Variants in KIF26B observed in about 807,000 individuals in gnomAD.
The protein encoded by KIF26B is kinesin-like protein KIF26B.
A neutral mutation model predicts 151.2 loss-of-function variants in KIF26B; 63 were observed. The observed-to-expected ratio is 0.42, with a 90% CI of 0.34 to 0.51. KIF26B has a LOEUF of 0.51. Among genes scored for constraint, KIF26B ranks in the 20% least tolerant of loss-of-function variants. The pLI, the probability that KIF26B is intolerant of heterozygous loss-of-function variation, is 0.07. For missense variants in KIF26B, 2,813 were observed against 2,913.6 expected (o/e 0.97, Z 0.79); for synonymous variants, 1,357 against 1,262.1 (o/e 1.08, Z -1.59).
At chr1:245,556,106 G>A (rs776854248) in intron 5 of KIF26B, among the ~76,000 whole-genome samples, 3 of 152,188 alleles carry the variant, frequency 2.0e-5, no homozygotes, top group African/African-American at 7.2e-5. Context: ...ACAGTCTTAC[G>A]TCTGCCTGGC....
At chr1:245,552,308 G>A (rs963305829) in intron 5 of KIF26B, among the ~76,000 whole-genome samples, 2 of 152,092 alleles carry the variant, frequency 1.3e-5, no homozygotes, top group African/African-American at 4.8e-5. Flanking sequence ...ATTCCTTCTT[G>A]CTCAGGGAAA....
At chr1:245,323,443 C>T (rs371239037) in intron 2 of KIF26B, among the ~76,000 whole-genome samples, 10 of 152,084 alleles carry the variant, frequency 6.6e-5, no homozygotes, top group East Asian at 1.9e-4. Context: ...GGCTTTGTAA[C>T]GAAATTATGA....
intron 2 of KIF26B, among the ~76,000 whole-genome samples, chr1:245,224,362 G>A (rs1669834937): frequency 6.6e-6 from 1 of 152,098 alleles, no homozygotes; most frequent in Non-Finnish European, 1.5e-5. Flanking sequence ...GTAGTAGCAC[G>A]ATTGTCTTCA....
At chr1:245,699,503 AAAAAAAGACAGC>A (rs2044739898) in intron 14 of KIF26B, among the ~76,000 whole-genome samples, 1 of 152,160 alleles carries the variant, frequency 6.6e-6, no homozygotes, top group Non-Finnish European at 1.5e-5. Context: ...GGAAAAAAAA[AAAAAAAGACAGC>A]CACAGTGTTA....
chr1:245,629,339 T>G (rs1217822056), intron 9 of KIF26B, among the ~76,000 whole-genome samples: 5 of 152,096 alleles, frequency 3.3e-5, no homozygotes, highest in Admixed American at 3.3e-4. Context: ...CTACCTGACT[T>G]CAAACTATAC....
At chr1:245,442,275 C>T (rs1304987987) in intron 4 of KIF26B, among the ~76,000 whole-genome samples, 1 of 152,140 alleles carries the variant, frequency 6.6e-6, no homozygotes, top group Non-Finnish European at 1.5e-5. Context: ...TGCTTCCTGT[C>T]CGTGCTCTGG....
chr1:245,685,160 A>AC (rs1356131229), intron 11 of KIF26B, among the ~76,000 whole-genome samples: 1 of 152,062 alleles, frequency 6.6e-6, no homozygotes, highest in Non-Finnish European at 1.5e-5. Flanking sequence ...CTGGATGGTC[A>AC]CCCCCTTTCC....
chr1:245,155,383 C>T lies in KIF26B; in HGVS notation c.-42C>T. On this transcript the variant is annotated 5_prime_UTR_variant, in exon 1 of 15. Transcript: ENST00000407071. ...GGGTTGGAGGACCTTCTGGATGTAG[C>T]GTCGGTGGAACCTTTAGATACTCTC... The T allele has an allele frequency of 2.0e-6, 3 of 1,525,010 alleles. No homozygotes were observed. Among genetic ancestry groups the T allele is most frequent in the Non-Finnish European group, 2.7e-6 (3 of 1,110,298 alleles). 94.5% of individuals were successfully genotyped at this position (1,525,010 alleles called of 1,614,324 possible).
In KIF26B at chr1:245,706,739, G is replaced by T. The variant is rs781679786; in HGVS notation, c.*4133G>T. 2 of 152,194 alleles carry T rather than the reference G, an allele frequency of 1.3e-5. No individual in the cohort carries two copies. The highest frequency in any genetic ancestry group is 4.8e-5 in the African/African-American group (2 of 41,436). 9.4% of individuals were successfully genotyped at this position (152,194 alleles called of 1,614,324 possible). On this transcript the variant is annotated 3_prime_UTR_variant, in exon 15 of 15. Transcript: ENST00000407071. ...CTGGGGCCTCCATGCTGCCGCCGGG[G>T]TATGTGGCCCAGCTGTCCCCCCATG...
chr1:245,244,952 G>A lies in KIF26B; in HGVS notation c.465+88269G>A, dbSNP rs558099082. On this transcript the variant is annotated intron_variant, in intron 2 of 14. Coordinates refer to ENST00000407071, the MANE Select transcript of KIF26B (RefSeq NM_018012.4). The surrounding 1 kb of genome is among the most constrained non-coding windows in gnomAD (Gnocchi z 4.2). ...GATCACAAGTCAGAAGGGTGAAATCGGCTGAAAAGAGGATGAAATGTTTTA... is the reference window on the plus strand; with the variant it reads ...GATCACAAGTCAGAAGGGTGAAATCAGCTGAAAAGAGGATGAAATGTTTTA... Among the ~76,000 whole-genome samples, 18 of 152,178 alleles carry A rather than the reference G, an allele frequency of 1.2e-4. No homozygotes were observed. The highest frequency in any genetic ancestry group is 1.9e-4 in the East Asian group (1 of 5,174).
chr1:245,418,827 C>T (rs943305103), intron 3 of KIF26B, among the ~76,000 whole-genome samples: 1 of 152,100 alleles, frequency 6.6e-6, no homozygotes, highest in African/African-American at 2.4e-5. Context: ...ACACAACATC[C>T]TTGTTTTGCC....
At position 245,374,717 on chromosome 1, in the gene KIF26B, G is replaced by A. The variant is rs539663403; in HGVS notation, c.999+7350G>A. Among the ~76,000 whole-genome samples the A allele has an allele frequency of 1.4e-3, 206 of 152,300 alleles. 1 individual carries two copies. The highest frequency in any genetic ancestry group is 2.5e-3 in the Non-Finnish European group (173 of 68,022). On this transcript the variant is annotated intron_variant, in intron 3 of 14. Transcript: ENST00000407071. ...TCTCCTGTTTATAGGCGGTCAAAGG[G>A]ATATTAGGTTATGTATCTTTATGCT...
chr1:245,503,919 G>A (rs1027871994), intron 4 of KIF26B, among the ~76,000 whole-genome samples: 1 of 152,184 alleles, frequency 6.6e-6, no homozygotes, highest in Admixed American at 6.5e-5. Flanking sequence ...TCAGAGATAT[G>A]ATCCAAAGGC....
At chr1:245,182,176 T>C (rs1240385791) in intron 2 of KIF26B, among the ~76,000 whole-genome samples, 1 of 152,130 alleles carries the variant, frequency 6.6e-6, no homozygotes, top group Non-Finnish European at 1.5e-5. Context: ...ACTATCTAAT[T>C]TTAGAACATT....
At chr1:245,543,644 G>C (rs1239180969) in intron 5 of KIF26B, among the ~76,000 whole-genome samples, 1 of 152,140 alleles carries the variant, frequency 6.6e-6, no homozygotes, top group Non-Finnish European at 1.5e-5. Flanking sequence ...GAGAGAATGT[G>C]TACCATGATT....
rs1033066203 is a variant in KIF26B at position 245,702,048 on chromosome 1, G to A, written c.6179-410G>A. On this transcript the variant is annotated intron_variant, in intron 14 of 14. Coordinates refer to ENST00000407071, the MANE Select transcript of KIF26B (RefSeq NM_018012.4). This position sits in a 1 kb window ranked among gnomAD's most constrained non-coding sequence, Gnocchi z 4.1. ...CGTCCTTTCATATAAGGAAGCAGAG[G>A]TATAAATGTCACTCAACTGAGACCC... is the stretch of plus-strand genomic sequence containing the variant. 6.6e-6 allele frequency among the ~76,000 whole-genome samples: 1 copy of A among 152,202 alleles called. No individual in the cohort carries two copies. The highest frequency in any genetic ancestry group is 1.5e-5 in the Non-Finnish European group (1 of 68,042).
intron 10 of KIF26B, among the ~76,000 whole-genome samples, chr1:245,661,527 A>G (rs1558256659): frequency 6.6e-6 from 1 of 151,662 alleles, no homozygotes; most frequent in Non-Finnish European, 1.5e-5. Context: ...TATATACAAT[A>G]TACACACATA....
intron 4 of KIF26B, among the ~76,000 whole-genome samples, chr1:245,503,691 G>A (rs994198415): frequency 2.0e-5 from 3 of 152,224 alleles, no homozygotes; most frequent in South Asian, 2.1e-4. Context: ...AGAGCTGGGC[G>A]GTGATGGGTG....
At chr1:245,224,152 G>A (rs1328430651) in intron 2 of KIF26B, among the ~76,000 whole-genome samples, 1 of 152,172 alleles carries the variant, frequency 6.6e-6, no homozygotes, top group East Asian at 1.9e-4. Context: ...GGGTGTGGTG[G>A]CGCGTGCCTG....
Sources: allele counts gnomAD v4.1 joint callset (sites outside exome capture counted in the v4.1 genomes callset), GRCh38; gene constraint gnomAD v4.1.1; non-coding constraint Gnocchi (gnomAD v3.1); transcripts MANE v1.5; gene names NCBI Gene and HGNC (gene_info 2026-07-23, HGNC 2026-07-21).